The following PROS1 variants were observed in gnomAD, a reference collection of about 807,000 sequenced individuals.
The protein encoded by PROS1 is protein S.
A neutral mutation model predicts 75.9 loss-of-function variants in PROS1; 29 were observed. The ratio of observed to expected loss-of-function variants is 0.38; its 90% confidence interval spans 0.28 to 0.52. The LOEUF is 0.52. PROS1 is among the 20% of genes least tolerant of loss of function. The pLI, the probability that PROS1 is intolerant of heterozygous loss-of-function variation, is 0.83. For missense variants in PROS1, 680 were observed against 810.3 expected, an observed-to-expected ratio of 0.84 and a Z score of 1.95; for synonymous variants, 245 against 280.6, an observed-to-expected ratio of 0.87 and a Z score of 1.27.
At chr3:93,959,470 T>C (rs1709665657) in intron 1 of PROS1, among the ~76,000 whole-genome samples, 1 of 152,232 alleles carries the variant, frequency 6.6e-6, no homozygotes, top group African/African-American at 2.4e-5. Context: ...CTCAGCTTTC[T>C]TTCTCCCTTC....
intron 3 of PROS1, among the ~76,000 whole-genome samples, chr3:93,912,492 T>C (rs1182707191): frequency 6.6e-6 from 1 of 152,152 alleles, no homozygotes; most frequent in African/African-American, 2.4e-5. Flanking sequence ...GAGGTCATTA[T>C]TCAGCCTACC....
At chr3:93,951,503 T>C (rs551759897) in intron 1 of PROS1, among the ~76,000 whole-genome samples, 3 of 152,236 alleles carry the variant, frequency 2.0e-5, no homozygotes, top group Non-Finnish European at 4.4e-5. Flanking sequence ...CGAAGCTTCA[T>C]AAGTGAAGGA....
At chr3:93,955,964 C>G (rs1224999596) in intron 1 of PROS1, among the ~76,000 whole-genome samples, 1 of 152,128 alleles carries the variant, frequency 6.6e-6, no homozygotes, top group Non-Finnish European at 1.5e-5. Flanking sequence ...TACTATTTGA[C>G]TCTATCCTGA....
intron 2 of PROS1, among the ~76,000 whole-genome samples, chr3:93,924,970 A>G (rs1380333332): frequency 2.0e-5 from 3 of 152,124 alleles, no homozygotes; most frequent in Non-Finnish European, 4.4e-5. Context: ...TGCCCAGCTA[A>G]CAGTGACATA....
Position 93,877,007 on chromosome 3 carries a change from G to T in PROS1, c.1829C>A (p.Ala610Glu), listed in dbSNP as rs1282519357. The T allele has an allele frequency of 1.2e-6, 2 of 1,613,212 alleles. No individual in the cohort carries two copies. Among genetic ancestry groups the T allele is most frequent in the African/African-American group, 1.3e-5 (1 of 75,000 alleles). ...GTATGTGGCCACTTTTGCTTTCATT[G>T]CTTTGTCCAAGACGGCAAGTTGTCT... is the stretch of plus-strand genomic sequence containing the variant. ...LQRQLAVLDK[A>E]MKAKVATYLG... The change falls in exon 14 of 15, where the codon GCA (alanine) becomes GAA (glutamate). Residue 610 changes from alanine to glutamate, a missense_variant. Transcript: ENST00000394236.
intron 6 of PROS1, among the ~76,000 whole-genome samples, chr3:93,901,384 T>C (rs1192417993): frequency 1.3e-5 from 2 of 152,212 alleles, no homozygotes; most frequent in Middle Eastern, 6.3e-3. Context: ...AAATTTAAAA[T>C]AAGATTAAGG....
At chr3:93,924,393 A>G in intron 2 of PROS1, 129 bp from the exon 3 acceptor site, 2 of 435,876 alleles carry the variant, frequency 4.6e-6, no homozygotes, top group Non-Finnish European at 7.0e-6. Flanking sequence ...TTTTCACATT[A>G]TAATTTTTAT....
intron 1 of PROS1, among the ~76,000 whole-genome samples, chr3:93,950,840 T>A (rs974305922): frequency 2.0e-5 from 3 of 152,070 alleles, no homozygotes; most frequent in Non-Finnish European, 2.9e-5. Flanking sequence ...GACAATGACT[T>A]TGATGAGTTG....
chr3:93,936,002 T>G (rs1023363511), intron 1 of PROS1, among the ~76,000 whole-genome samples: 1 of 146,076 alleles, frequency 6.8e-6, no homozygotes, highest in African/African-American at 2.5e-5. Flanking sequence ...AAAACTACTG[T>G]TTTTTTTTTC....
At chr3:93,938,594 T>A (rs571232824) in intron 1 of PROS1, among the ~76,000 whole-genome samples, 1 of 152,150 alleles carries the variant, frequency 6.6e-6, no homozygotes, top group South Asian at 2.1e-4. Context: ...GGTTAAGCGG[T>A]CTTTTCACTC....
chr3:93,948,921 G>A (rs1709447660), intron 1 of PROS1, among the ~76,000 whole-genome samples: 1 of 151,980 alleles, frequency 6.6e-6, no homozygotes, highest in Non-Finnish European at 1.5e-5. Context: ...AAAATATCTG[G>A]TAGCAAGTAT....
intron 10 of PROS1, among the ~76,000 whole-genome samples, chr3:93,892,599 G>C (rs1218785687): frequency 1.3e-5 from 2 of 151,620 alleles, no homozygotes; most frequent in Non-Finnish European, 1.5e-5. Flanking sequence ...ACTCCAGCCT[G>C]GGCAACAAGA....
intron 1 of PROS1, among the ~76,000 whole-genome samples, chr3:93,950,787 A>G (rs1029317625): frequency 2.0e-5 from 3 of 152,232 alleles, no homozygotes; most frequent in African/African-American, 7.2e-5. Context: ...CTTCTCCTCC[A>G]AAGGAATGCA....
At chr3:93,945,183 A>C (rs1709364404) in intron 1 of PROS1, among the ~76,000 whole-genome samples, 1 of 152,206 alleles carries the variant, frequency 6.6e-6, no homozygotes, top group South Asian at 2.1e-4. Context: ...CAATAAAAAA[A>C]AGTCCAGGAC....
chr3:93,963,572 A>G (rs546089146), intron 1 of PROS1, among the ~76,000 whole-genome samples: 2 of 152,354 alleles, frequency 1.3e-5, no homozygotes, highest in African/African-American at 2.4e-5. Flanking sequence ...TAGGATCACC[A>G]TTCTGCAGGC....
rs8178598 is a variant in PROS1, at chr3:93,947,803, G to A, written c.77-20396C>T. 8.7e-4 allele frequency among the ~76,000 whole-genome samples: 133 copies of A among 152,078 alleles called. 1 individual carries two copies. Among genetic ancestry groups the A allele is most frequent in the African/African-American group, 2.4e-3 (100 of 41,498 alleles). On this transcript the variant is annotated intron_variant, in intron 1 of 14. Coordinates refer to ENST00000394236, the MANE Select transcript of PROS1 (RefSeq NM_000313.4). Reference sequence around the variant, plus strand: ...AGGATTGTCTCAATCTCCTGATCTCGTGATCTGCCCGCCTCGGCCTCTCAA... The same window carrying A: ...AGGATTGTCTCAATCTCCTGATCTCATGATCTGCCCGCCTCGGCCTCTCAA...
At chr3:93,921,413 T>G (rs1286538048) in intron 3 of PROS1, among the ~76,000 whole-genome samples, 1 of 152,208 alleles carries the variant, frequency 6.6e-6, no homozygotes, top group Non-Finnish European at 1.5e-5. Flanking sequence ...CCTCTTAGAA[T>G]AAGCTCATTT....
Position 93,900,887 on chromosome 3 carries a change from G to A in PROS1, c.644C>T (p.Ala215Val), listed in dbSNP as rs1482856709. ...ATCTCCTGGGATGTTCTTGCACACA[G>A]CTGTGCCACAAATGCTTGGCTTCAA... ...CSLKPSICGT[A>V]VCKNIPGDFE... is the part of the protein sequence containing the mutation. Residue 215 changes from alanine (A) to valine (V), a missense_variant, in exon 7 of 15, where the codon GCT (alanine) becomes GTT (valine). Physicochemically the swap from Ala to Val is moderately conservative, Grantham distance 64. Transcript: ENST00000394236. 4 of 1,613,852 alleles carry A rather than the reference G, an allele frequency of 2.5e-6. No homozygotes were observed. The highest frequency in any genetic ancestry group is 2.2e-5 in the South Asian group (2 of 91,080).
intron 1 of PROS1, among the ~76,000 whole-genome samples, chr3:93,937,388 G>A (rs1317869882): frequency 1.4e-5 from 2 of 140,870 alleles, no homozygotes; most frequent in East Asian, 4.3e-4. Context: ...TTTTTTTTGA[G>A]ATGGAGTCTC....
Sources: gnomAD v4.1 joint callset for allele counts (sites outside exome capture counted in the v4.1 genomes callset) on GRCh38, gnomAD v4.1.1 for gene constraint, MANE v1.5 for transcripts, NCBI Gene and HGNC (gene_info 2026-07-23, HGNC 2026-07-21) for gene names.